RFPL3: variants seen among roughly 807,000 people sequenced by gnomAD.
RFPL3 encodes ret finger protein like 3, also known as ret finger protein-like 3.
RFPL3 carries 8 observed loss-of-function variants against 8.7 expected under a neutral mutation model. The ratio of observed to expected loss-of-function variants is 0.92; its 90% CI spans 0.54 to 1.66. The LOEUF (loss-of-function observed/expected upper bound fraction) is 1.66, where lower values mean the gene tolerates loss of function less well. Ranked by LOEUF, RFPL3 falls within the 40% of genes most tolerant of loss-of-function variation. The probability of loss-of-function intolerance (pLI) is 0.00; values close to 1 mark genes in which losing one functional copy is unlikely to be tolerated. For missense variants in RFPL3, 341 were observed against 395.0 expected (o/e 0.86, Z 1.16); for synonymous variants, 145 against 150.5 (o/e 0.96, Z 0.27).
rs368265424 is a variant in RFPL3, at chr22:32,360,551, C to T, written c.673C>T (p.Arg225Cys). 55 of 1,613,794 alleles carry T rather than the reference C, an allele frequency of 3.4e-5. No individual in the cohort carries two copies. The East Asian group carries it at 9.1e-4, about 27-fold the overall frequency. Residue 225 changes from arginine (R) to cysteine (C), a missense_variant, in exon 2 of 2, where the codon CGC (arginine) becomes TGC (cysteine). Arg to Cys is a radical substitution (Grantham distance 180). Transcript: ENST00000249007. Reference protein sequence around the residue: ...FWTVSLRDGSRLSASTVPLTF... With the variant: ...FWTVSLRDGSCLSASTVPLTF... Reference sequence around the variant, plus strand: ...GACTGTGAGTTTGAGGGATGGAAGCCGCCTCTCTGCCAGCACGGTGCCGCT... The same window carrying T: ...GACTGTGAGTTTGAGGGATGGAAGCTGCCTCTCTGCCAGCACGGTGCCGCT...
chr22:32,358,580 C>G, intron 1 of RFPL3, 136 bp downstream of exon 1: 1 of 1,296,740 alleles, frequency 7.7e-7, no homozygotes, highest in Non-Finnish European at 1.1e-6. Context: ...ATCACATTCT[C>G]AGCCCTGACA....
At chr22:32,356,294 T>C (rs1052462048), upstream of RFPL3, among the ~76,000 whole-genome samples, 18 of 151,992 alleles carry the variant, frequency 1.2e-4, no homozygotes, top group Admixed American at 1.1e-3. Context: ...CAGGAAGTAG[T>C]CAGCAATTGG....
upstream of RFPL3, chr22:32,355,034 A>C (rs766491774): frequency 6.6e-6 from 1 of 152,030 alleles, no homozygotes; most frequent in Non-Finnish European, 1.5e-5. Flanking sequence ...AACCAGCTAC[A>C]CAAGCTGACG....
Position 32,360,871 on chromosome 22 carries a change from T to G in RFPL3, c.*39T>G. On this transcript the variant is annotated 3_prime_UTR_variant, in exon 2 of 2. Coordinates refer to ENST00000249007, the MANE Select transcript of RFPL3 (RefSeq NM_001098535.1). ...AAAAAAACAGGGTCAGAAAATTACT[T>G]GGGTGGGTAGACTTAGGAATTTTCT... is the stretch of plus-strand genomic sequence containing the variant. 1 of 1,504,784 alleles carries G rather than the reference T, an allele frequency of 6.6e-7. No homozygotes were observed. Among genetic ancestry groups the G allele is most frequent in the African/African-American group, 1.4e-5 (1 of 71,570 alleles). The allele number at this position is 1,504,784 out of a possible 1,614,324, so 93.2% of individuals were successfully genotyped here.
intron 1 of RFPL3, among the ~76,000 whole-genome samples, chr22:32,359,445 CAATT>C (rs1352609199): frequency 6.6e-6 from 1 of 151,678 alleles, no homozygotes; most frequent in Admixed American, 6.6e-5. Context: ...ATGTTCTGGA[CAATT>C]AATTTTCTCT....
intron 1 of RFPL3, 133 bp from the exon 2 acceptor site, chr22:32,360,119 A>G: frequency 8.1e-7 from 1 of 1,228,950 alleles, no homozygotes; most frequent in Non-Finnish European, 1.1e-6. Flanking sequence ...TTCCTCATGA[A>G]AAGTTTTGAT....
In RFPL3 at chr22:32,360,492, G is replaced by A; in HGVS notation, c.614G>A (p.Gly205Glu). Residue 205 changes from glycine to glutamate, a missense_variant, in exon 2 of 2, where the codon GGG (glycine) becomes GAG (glutamate). Physicochemically the swap from Gly to Glu is moderately conservative, Grantham distance 98. Transcript: ENST00000249007. ...TGCAGAGAATCTGTTCACTGCAAAG[G>A]GAAGATCCAGCTGACCACAGAGCTT... Reference protein sequence around the residue: ...GVCRESVHCKGKIQLTTELGF... With the variant: ...GVCRESVHCKEKIQLTTELGF... 3 of 1,613,962 alleles carry A rather than the reference G, an allele frequency of 1.9e-6. No individual in the cohort carries two copies. Among genetic ancestry groups the A allele is most frequent in the Non-Finnish European group, 2.5e-6 (3 of 1,179,866 alleles).
chr22:32,360,058 G>C, intron 1 of RFPL3, 194 bp from the exon 2 acceptor site: 1 of 661,544 alleles, frequency 1.5e-6, no homozygotes, highest in South Asian at 2.2e-5. Context: ...CTGTGAATAA[G>C]AGTCACGTAT....
intron 1 of RFPL3, chr22:32,360,046 T>C (rs1932762001): frequency 1.6e-6 from 1 of 618,624 alleles, no homozygotes; most frequent in Non-Finnish European, 2.7e-6. Context: ...TAAGAATTGC[T>C]ACTGTGAATA....
upstream of RFPL3, among the ~76,000 whole-genome samples, chr22:32,356,454 T>G (rs1473690861): frequency 1.3e-5 from 2 of 152,130 alleles, no homozygotes; most frequent in Non-Finnish European, 2.9e-5. Context: ...AGGGTGCAAG[T>G]AATCCCCCCT....
At chr22:32,355,459 G>A (rs536738092), upstream of RFPL3, among the ~76,000 whole-genome samples, 196 of 152,074 alleles carry the variant, frequency 1.3e-3, 1 homozygote, top group Middle Eastern at 3.4e-3. Flanking sequence ...TTTTCCACCC[G>A]AGACCCAGGA....
chr22:32,358,168 C>G lies in RFPL3; in HGVS notation c.97C>G (p.Leu33Val), dbSNP rs149824225. ...TCCCCTGGCAGTGGACATGGCTGCA[C>G]TCTTCCAAGAAGCAAGCAGCTGTCC... ...TFPLAVDMAA[L>V]FQEASSCPVC... The change falls in exon 1 of 2, where the codon CTC becomes GTC. Residue 33 changes from leucine (L) to valine (V), a missense_variant. By Grantham distance (32) the Leu-to-Val change is conservative. Transcript: ENST00000249007. The G allele has an allele frequency of 5.2e-4, 838 of 1,613,870 alleles. 1 individual carries two copies. The highest frequency in any genetic ancestry group is 6.9e-4 in the Non-Finnish European group (813 of 1,179,876).
At chr22:32,356,568 T>A, upstream of RFPL3, 1 of 194,776 alleles carries the variant, frequency 5.1e-6, no homozygotes. Context: ...TTATTAAGGG[T>A]TTACTGGTAC....
At chr22:32,358,569 C>T (rs1601406624) in intron 1 of RFPL3, 125 bp downstream of exon 1, 2 of 1,362,034 alleles carry the variant, frequency 1.5e-6, no homozygotes, top group Non-Finnish European at 1.0e-6. Flanking sequence ...GATGCTTCAT[C>T]ATCACATTCT....
At position 32,360,979 on chromosome 22, in the gene RFPL3, A is replaced by C. The variant is rs1214431209; in HGVS notation, c.*147A>C. On this transcript the variant is annotated 3_prime_UTR_variant, in exon 2 of 2. Coordinates refer to ENST00000249007, the MANE Select transcript of RFPL3 (RefSeq NM_001098535.1). Reference sequence around the variant, plus strand: ...ATATTCTAATTTGATTCGATTATTGAGTCGTAAGTATTAATTATTGCCACC... The same window carrying C: ...ATATTCTAATTTGATTCGATTATTGCGTCGTAAGTATTAATTATTGCCACC... The C allele has an allele frequency of 7.7e-6, 6 of 781,050 alleles. No individual in the cohort carries two copies. Among genetic ancestry groups the C allele is most frequent in the African/African-American group, 1.8e-5 (1 of 56,604 alleles). The allele number at this position is 781,050 out of a possible 1,614,324, so 48.4% of individuals were successfully genotyped here.
intron 1 of RFPL3, among the ~76,000 whole-genome samples, chr22:32,359,418 G>A (rs1412381192): frequency 4.7e-5 from 7 of 148,832 alleles, no homozygotes; most frequent in South Asian, 2.2e-4. Flanking sequence ...ATATTTTGTA[G>A]ATTTTTTTTT....
At position 32,360,766 on chromosome 22, in the gene RFPL3, G is replaced by A; in HGVS notation, c.888G>A (p.Leu296=). 2 of 1,610,576 alleles carry A rather than the reference G, an allele frequency of 1.2e-6. No homozygotes were observed. Among genetic ancestry groups the A allele is most frequent in the South Asian group, 1.1e-5 (1 of 90,462 alleles). Residue 296 remains leucine, a synonymous_variant, in exon 2 of 2, where the codon TTG becomes TTA. Coordinates refer to ENST00000249007, the MANE Select transcript of RFPL3 (RefSeq NM_001098535.1). ...CACCTAATGGTGATCAAGGTGTCTT[G>A]AGCATCTGTCCTTTGATGAACTCAG... ...SIPPNGDQGV[L]SICPLMNSGT...
chr22:32,357,472 C>CCTTTTTTTTTTTTTT (rs543220133), upstream of RFPL3, among the ~76,000 whole-genome samples: 1 of 145,126 alleles, frequency 6.9e-6, no homozygotes, highest in Non-Finnish European at 1.5e-5. Context: ...ATCCAGCCCC[C>CCTTTTTTTTTTTTTT]TTTTTTTTTT....
upstream of RFPL3, chr22:32,357,845 C>G: frequency 7.1e-7 from 1 of 1,416,978 alleles, no homozygotes; most frequent in East Asian, 2.6e-5. Flanking sequence ...GACCCCAGCT[C>G]GCTGTTCCTC....
Sources: gnomAD v4.1 joint callset for allele counts (sites outside exome capture counted in the v4.1 genomes callset) on GRCh38, gnomAD v4.1.1 for gene constraint, MANE v1.5 for transcripts, NCBI Gene and HGNC (gene_info 2026-07-23, HGNC 2026-07-21) for gene names.